Variants in GAK observed in about 807,000 individuals in gnomAD.
The protein encoded by GAK is cyclin-G-associated kinase.
In GAK, 79 loss-of-function variants were observed where a neutral mutation model predicts 143.9. The observed-to-expected ratio is 0.55, with a 90% confidence interval of 0.46 to 0.66. The LOEUF is 0.66. Ranked by LOEUF, GAK falls within the 30% of genes least tolerant of loss-of-function variation. The pLI is 0.00. For synonymous variants in GAK, 881 were observed against 765.5 expected (o/e 1.15, Z -2.49); for missense variants, 1,693 against 1,779.7 (o/e 0.95, Z 0.88).
At chr4:888,404 G>T in intron 11 of GAK, 1 of 174,706 alleles carries the variant, frequency 5.7e-6, no homozygotes, top group Non-Finnish European at 1.2e-5. Flanking sequence ...ACGCGCCCTT[G>T]GACAGCCCAC....
chr4:912,339 G>A (rs577710779), intron 3 of GAK: 3 of 368,608 alleles, frequency 8.1e-6, no homozygotes, highest in Non-Finnish European at 1.1e-5. Context: ...AGGGACGAGA[G>A]GGGCGGCTGA....
At chr4:905,303 C>T (rs1334718333) in intron 4 of GAK, among the ~76,000 whole-genome samples, 1 of 152,168 alleles carries the variant, frequency 6.6e-6, no homozygotes, top group Non-Finnish European at 1.5e-5. Flanking sequence ...TTTCGCTGGG[C>T]GTTCTGTCCA....
At chr4:880,412 C>T (rs933968885) in intron 15 of GAK, among the ~76,000 whole-genome samples, 2 of 152,272 alleles carry the variant, frequency 1.3e-5, no homozygotes, top group African/African-American at 2.4e-5. Flanking sequence ...GCAGCTCTTT[C>T]TCTCGTCTCC....
rs527541337 is a variant in GAK, at chr4:897,446, G to A, written c.651+587C>T. Among the ~76,000 whole-genome samples, 9 of 152,290 alleles carry A rather than the reference G, an allele frequency of 5.9e-5. No individual in the cohort carries two copies. In the South Asian group the frequency reaches 1.0e-3, roughly 18 times the overall value. On this transcript the variant is annotated intron_variant, in intron 6 of 27. Transcript: ENST00000314167. ...GCAAGAAGGCCCAAGTGCAGAGAGCGCAAGTTAACTCCTCCAGCTCCAAGA... is the reference window on the plus strand; with the variant it reads ...GCAAGAAGGCCCAAGTGCAGAGAGCACAAGTTAACTCCTCCAGCTCCAAGA...
rs761107041 is a variant in GAK at position 851,840 on chromosome 4, TG to T, written c.3417del (p.Ala1141ProfsTer15). Reference sequence around the variant, plus strand: ...TTAGGCCTTGGCTGTGTGCAGGCTTTGGGGGGCGGCTTGGCCTGAGGGGGCC... The same window carrying T: ...TTAGGCCTTGGCTGTGTGCAGGCTTTGGGGGCGGCTTGGCCTGAGGGGGCC... The part of the protein sequence containing the change: ...ASWPPQAKPP[P>X]KACTQPRPNY... On this transcript the variant is annotated frameshift_variant, in exon 25 of 28. Coordinates refer to ENST00000314167, the MANE Select transcript of GAK (RefSeq NM_005255.4). LOFTEE classifies it high-confidence loss of function. 1 of 1,609,534 alleles carries T rather than the reference TG, an allele frequency of 6.2e-7. No individual in the cohort carries two copies. Among genetic ancestry groups the T allele is most frequent in the Non-Finnish European group, 8.5e-7 (1 of 1,177,318 alleles).
chr4:907,926 C>T (rs933094765), intron 4 of GAK, among the ~76,000 whole-genome samples: 4 of 152,140 alleles, frequency 2.6e-5, no homozygotes, highest in East Asian at 3.9e-4. Context: ...GGGCTGGGCC[C>T]GGCCCCTCTC....
intron 5 of GAK, among the ~76,000 whole-genome samples, chr4:901,650 G>A (rs1719891242): frequency 6.6e-6 from 1 of 152,352 alleles, no homozygotes; most frequent in South Asian, 2.1e-4. Flanking sequence ...AGCTGGAGGA[G>A]CAGCTGAGGC....
At chr4:882,103 T>A in intron 14 of GAK, 63 bp from the exon 15 acceptor site, 1 of 1,500,162 alleles carries the variant, frequency 6.7e-7, no homozygotes, top group Middle Eastern at 2.0e-4. Context: ...GCTCGCGGGG[T>A]CCTCGGGCAT....
chr4:891,355 C>T (rs894393698), intron 9 of GAK, among the ~76,000 whole-genome samples: 1 of 151,876 alleles, frequency 6.6e-6, no homozygotes, highest in South Asian at 2.1e-4. Flanking sequence ...GCCTCCACCT[C>T]GCATGCCCAA....
chr4:866,576 C>A, intron 21 of GAK, 42 bp from the exon 22 acceptor site: 1 of 1,595,652 alleles, frequency 6.3e-7, no homozygotes, highest in Non-Finnish European at 8.5e-7. Flanking sequence ...AGCCCGGCTG[C>A]CTGAAGACAA....
At chr4:854,906 G>A (rs1005716834) in intron 24 of GAK, among the ~76,000 whole-genome samples, 6 of 152,170 alleles carry the variant, frequency 3.9e-5, no homozygotes, top group African/African-American at 7.2e-5. Context: ...TTAGCTGGGC[G>A]TGGTGGCGGG....
intron 1 of GAK, among the ~76,000 whole-genome samples, chr4:930,703 C>A (rs539221128): frequency 2.0e-5 from 3 of 152,180 alleles, no homozygotes; most frequent in Admixed American, 1.3e-4. Flanking sequence ...TGAGAGAAAT[C>A]TTCCAACTGA....
chr4:849,626 G>T lies in GAK; in HGVS notation c.*47C>A. 4 of 1,479,226 alleles carry T rather than the reference G, an allele frequency of 2.7e-6. No homozygotes were observed. The South Asian group carries it at 4.6e-5, about 17-fold the overall frequency. The allele number at this position is 1,479,226 out of a possible 1,614,324, so 91.6% of individuals were successfully genotyped here. On this transcript the variant is annotated 3_prime_UTR_variant, in exon 28 of 28. Coordinates refer to ENST00000314167, the MANE Select transcript of GAK (RefSeq NM_005255.4). ...ACGGTGGGGACCCAGGTCCCACGACGGCTCCCAACCTGTGGAGCTGTGTGC... is the reference window on the plus strand; with the variant it reads ...ACGGTGGGGACCCAGGTCCCACGACTGCTCCCAACCTGTGGAGCTGTGTGC...
At chr4:904,995 T>A (rs1720805031) in intron 4 of GAK, among the ~76,000 whole-genome samples, 1 of 152,202 alleles carries the variant, frequency 6.6e-6, no homozygotes, top group Admixed American at 6.5e-5. Context: ...CGTTTGCAAC[T>A]CTGTAACTTC....
At chr4:902,612 A>AAAAAAAAAAAAAAAAAC (rs1560401696) in intron 5 of GAK, among the ~76,000 whole-genome samples, 14 of 143,932 alleles carry the variant, frequency 9.7e-5, no homozygotes, top group African/African-American at 3.4e-4. Context: ...AAAAAAAAAA[A>AAAAAAAAAAAAAAAAAC]AACCCCAAAA....
At chr4:859,478 C>T (rs756232569) in intron 24 of GAK, 128 bp downstream of exon 24, 45 of 1,602,320 alleles carry the variant, frequency 2.8e-5, no homozygotes, top group African/African-American at 4.0e-5. Context: ...GCTCACTGTG[C>T]TCTGGGCTTG....
At chr4:891,598 T>G (rs1717673380) in intron 9 of GAK, among the ~76,000 whole-genome samples, 1 of 152,088 alleles carries the variant, frequency 6.6e-6, no homozygotes. Context: ...TGAGAAGCAC[T>G]GAGGACCCCG....
chr4:893,026 G>A (rs1234684431), intron 9 of GAK, among the ~76,000 whole-genome samples: 5 of 152,174 alleles, frequency 3.3e-5, no homozygotes, highest in Non-Finnish European at 7.4e-5. Flanking sequence ...GGGTCCGGAC[G>A]AAGCAGCACA....
chr4:860,744 T>C (rs572142828), intron 23 of GAK, among the ~76,000 whole-genome samples: 12 of 148,088 alleles, frequency 8.1e-5, no homozygotes, highest in Admixed American at 2.7e-4. Flanking sequence ...CACCTCGCAC[T>C]GTGCACTCGA....
Sources: gnomAD v4.1 joint callset for allele counts (sites outside exome capture counted in the v4.1 genomes callset) on GRCh38, gnomAD v4.1.1 for gene constraint, MANE v1.5 for transcripts, NCBI Gene and HGNC (gene_info 2026-07-23, HGNC 2026-07-21) for gene names.